The following SYNE2 variants were observed in gnomAD, a reference collection of about 807,000 sequenced individuals.
The protein encoded by SYNE2 is spectrin repeat containing nuclear envelope protein 2.
Under a neutral mutation model 856.3 loss-of-function variants are expected in SYNE2, and 431 were observed. That is an observed-to-expected ratio of 0.50 (90% confidence interval 0.47 to 0.55). The LOEUF (loss-of-function observed/expected upper bound fraction) is 0.55, where lower values mean the gene tolerates loss of function less well. SYNE2 is among the 20% of genes least tolerant of loss of function. The pLI, the probability that SYNE2 is intolerant of heterozygous loss-of-function variation, is 0.00. For missense variants in SYNE2, 8,129 were observed against 8,023.2 expected, an observed-to-expected ratio of 1.01 and a Z score of -0.50; for synonymous variants, 2,923 against 2,872.3, an observed-to-expected ratio of 1.02 and a Z score of -0.56.
Position 64,214,245 on chromosome 14 carries a change from C to T in SYNE2, c.19108C>T (p.Pro6370Ser). ...TGAGAATGAAACAGACATGGAAGACCCCAGAGAAATCCAGACTGATTCTTG... is the reference window on the plus strand; with the variant it reads ...TGAGAATGAAACAGACATGGAAGACTCCAGAGAAATCCAGACTGATTCTTG... ...ASENETDMED[P>S]REIQTDSWRK... Residue 6370 changes from proline (P) to serine (S), a missense_variant, in exon 106 of 116, where the codon CCC becomes TCC. Around this residue, in one of 3 missense-constraint regions of SYNE2, gnomAD observed 5,410 missense variants for 5,284.8 expected, o/e 1.02. Coordinates refer to ENST00000555002, the MANE Select transcript of SYNE2 (RefSeq NM_182914.3). 3 of 1,613,942 alleles carry T rather than the reference C, an allele frequency of 1.9e-6. No individual in the cohort carries two copies. Among genetic ancestry groups the T allele is most frequent in the Non-Finnish European group, 2.5e-6 (3 of 1,180,008 alleles).
intron 34 of SYNE2, among the ~76,000 whole-genome samples, chr14:64,018,573 A>C (rs1189744886): frequency 1.3e-5 from 2 of 152,164 alleles, no homozygotes; most frequent in Admixed American, 1.3e-4. Flanking sequence ...CCATATAGTA[A>C]ATATTTTAGC....
chr14:63,967,697 T>C lies in SYNE2; in HGVS notation c.991-12T>C. The C allele has an allele frequency of 6.2e-7, 1 of 1,613,390 alleles. No homozygotes were observed. ...AACATTTTCAATCTTTAAAATACTC[T>C]TCTAATTGCAGAGCCTGCTGTCCTT... On this transcript the variant is annotated splice_polypyrimidine_tract_variant and intron_variant, in intron 10 of 115. Coordinates refer to ENST00000555002, the MANE Select transcript of SYNE2 (RefSeq NM_182914.3).
At chr14:64,035,764 A>G (rs192196524) in intron 45 of SYNE2, among the ~76,000 whole-genome samples, 7 of 151,928 alleles carry the variant, frequency 4.6e-5, no homozygotes. Context: ...GTGCAGTCAT[A>G]GCTCACTGCA....
chr14:63,930,607 C>T (rs1273809033), intron 2 of SYNE2, among the ~76,000 whole-genome samples: 1 of 151,078 alleles, frequency 6.6e-6, no homozygotes, highest in Non-Finnish European at 1.5e-5. Context: ...AATCATAGCT[C>T]ACTGCAAACC....
At position 64,163,405 on chromosome 14, in the gene SYNE2, C is replaced by T. The variant is rs1337025422; in HGVS notation, c.16303C>T (p.Leu5435=). The T allele has an allele frequency of 1.9e-5, 31 of 1,613,740 alleles. No individual in the cohort carries two copies. The highest frequency in any genetic ancestry group is 2.6e-5 in the Non-Finnish European group (31 of 1,180,034). Residue 5435 remains leucine, a synonymous_variant, in exon 89 of 116, where the codon CTG becomes TTG. Transcript: ENST00000555002. The part of the protein sequence containing the change: ...LPPALQDIKE[L]QHDVQKTKEA... Reference sequence around the variant, plus strand: ...GCCATCCCTTTTTCTTCTGCAGGAGCTGCAGCATGATGTGCAGAAAACAAA... The same window carrying T: ...GCCATCCCTTTTTCTTCTGCAGGAGTTGCAGCATGATGTGCAGAAAACAAA...
Position 64,081,585 on chromosome 14 carries a change from G to A in SYNE2, c.11484+5G>A. 2 of 1,613,888 alleles carry A rather than the reference G, an allele frequency of 1.2e-6. No homozygotes were observed. The highest frequency in any genetic ancestry group is 2.2e-5 in the East Asian group (1 of 44,884). ...CACCATGCTAGCACTGTGCAGGTAA[G>A]TGTTCTTCCAGGTTTTCTGCCACTC... On this transcript the variant is annotated splice_donor_5th_base_variant and intron_variant, in intron 57 of 115. Transcript: ENST00000555002.
At chr14:64,182,002 T>A (rs2098460314) in intron 96 of SYNE2, among the ~76,000 whole-genome samples, 1 of 152,270 alleles carries the variant, frequency 6.6e-6, no homozygotes, top group African/African-American at 2.4e-5. Context: ...AAGTTTGTTG[T>A]ATTTTCTTCC....
rs8021484 is a variant in SYNE2, at chr14:64,224,313, T to C, written c.20383-148T>C. On this transcript the variant is annotated intron_variant, in intron 113 of 115. Transcript: ENST00000555002. ...CTGCAGTGACCTGTGATTGTGCCACTGCACTCCAGCCTGGGTGACACAGTG... is the reference window on the plus strand; with the variant it reads ...CTGCAGTGACCTGTGATTGTGCCACCGCACTCCAGCCTGGGTGACACAGTG... The C allele has an allele frequency of 1.0e-3, 766 of 766,080 alleles. 8 individuals are homozygous for C. In the African/African-American group the frequency reaches 0.011, roughly 11 times the overall value. The allele number at this position is 766,080 out of a possible 1,614,324, so 47.5% of individuals were successfully genotyped here. A position where few individuals can be genotyped will look rare whatever the true frequency, so the allele number is the denominator to read the frequency against.
chr14:64,224,476 C>G lies in SYNE2; in HGVS notation c.20398C>G (p.Leu6800Val). ...TGAATTTCAGAACCCAGCCTCACCC[C>G]TGCCCAGCTTCGACGAGGTAGACTC... ...LQGTQNPASP[L>V]PSFDEVDSGD... Residue 6800 changes from leucine (L) to valine (V), a missense_variant, in exon 114 of 116, where the codon CTG (leucine) becomes GTG (valine). Transcript: ENST00000555002. 6.2e-7 allele frequency: 1 copy of G among 1,613,324 alleles called. No homozygotes were observed.
chr14:64,132,521 T>A, intron 77 of SYNE2, 83 bp downstream of exon 77: 1 of 1,530,914 alleles, frequency 6.5e-7, no homozygotes, highest in Non-Finnish European at 9.0e-7. Context: ...AAGAAGTATC[T>A]AGTTATCATT....
intron 94 of SYNE2, among the ~76,000 whole-genome samples, chr14:64,172,170 C>G (rs2098414351): frequency 6.6e-6 from 1 of 152,168 alleles, no homozygotes; most frequent in South Asian, 2.1e-4. Flanking sequence ...TTAAAGATCA[C>G]TCTGGCTGTT....
intron 1 of SYNE2, among the ~76,000 whole-genome samples, chr14:63,772,130 A>G (rs1295544110): frequency 6.6e-6 from 1 of 152,204 alleles, no homozygotes; most frequent in African/African-American, 2.4e-5. Flanking sequence ...AGATGCATGC[A>G]TCCCTTGAGC....
intron 10 of SYNE2, among the ~76,000 whole-genome samples, chr14:63,964,321 A>C (rs1445507665): frequency 6.6e-6 from 1 of 152,160 alleles, no homozygotes; most frequent in African/African-American, 2.4e-5. Context: ...GGGTTGGCCC[A>C]TTTTGTAAAT....
At chr14:64,166,068 T>A (rs2098376667) in intron 90 of SYNE2, among the ~76,000 whole-genome samples, 1 of 152,236 alleles carries the variant, frequency 6.6e-6, no homozygotes, top group Non-Finnish European at 1.5e-5. Flanking sequence ...TTCGTAAGTT[T>A]AGTTTAGTAA....
intron 1 of SYNE2, among the ~76,000 whole-genome samples, chr14:63,839,564 T>A: frequency 6.6e-6 from 1 of 152,146 alleles, no homozygotes; most frequent in Non-Finnish European, 1.5e-5. Flanking sequence ...GTGCAGTGGC[T>A]TATGCCTGTA....
At chr14:64,189,980 T>A in intron 98 of SYNE2, 91 bp from the exon 99 acceptor site, 2 of 1,453,472 alleles carry the variant, frequency 1.4e-6, no homozygotes, top group South Asian at 2.6e-5. Flanking sequence ...TTTTTTTTTT[T>A]TAATTTCAAG....
chr14:63,845,854 C>T (rs1184151758), intron 1 of SYNE2, among the ~76,000 whole-genome samples: 2 of 151,088 alleles, frequency 1.3e-5, no homozygotes, highest in Admixed American at 1.3e-4. Flanking sequence ...GATTCTCCTG[C>T]CTCAGCCTCC....
chr14:63,892,401 T>C (rs1864454468), intron 1 of SYNE2, among the ~76,000 whole-genome samples: 1 of 151,684 alleles, frequency 6.6e-6, no homozygotes. Flanking sequence ...AGCAGTTTTT[T>C]CCAGAGTAGT....
intron 17 of SYNE2, 104 bp from the exon 18 acceptor site, chr14:63,983,633 C>G: frequency 1.0e-6 from 1 of 990,726 alleles, no homozygotes. Flanking sequence ...GTAGTTTAAT[C>G]CTAAACATAT....
Sources: allele counts gnomAD v4.1 joint callset (sites outside exome capture counted in the v4.1 genomes callset), GRCh38; gene constraint gnomAD v4.1.1; regional missense constraint gnomAD v4.1.1; transcripts MANE v1.5; gene names NCBI Gene and HGNC (gene_info 2026-07-23, HGNC 2026-07-21).